The following CFAP92 variants were observed in gnomAD, a reference collection of about 807,000 sequenced individuals.
The protein encoded by CFAP92 is uncharacterized protein CFAP92.
A neutral mutation model predicts 106.3 loss-of-function variants in CFAP92; 86 were observed. The observed-to-expected ratio is 0.81, with a 90% CI of 0.68 to 0.97. The LOEUF (loss-of-function observed/expected upper bound fraction) is 0.97, where lower values mean the gene tolerates loss of function less well. Among genes scored for constraint, CFAP92 ranks in the 50% least tolerant of loss-of-function variants. The pLI is 0.00. For synonymous variants in CFAP92, 477 were observed against 506.4 expected, an observed-to-expected ratio of 0.94 and a Z score of 0.78; for missense variants, 1,204 against 1,283.8, an observed-to-expected ratio of 0.94 and a Z score of 0.95.
At position 128,945,545 on chromosome 3, in the gene CFAP92, T is replaced by C. The variant is rs188359434; in HGVS notation, c.1784A>G (p.His595Arg). The C allele has an allele frequency of 6.0e-4, 928 of 1,536,166 alleles. 2 individuals are homozygous for C. The highest frequency in any genetic ancestry group is 8.2e-4 in the Admixed American group (42 of 50,990). ...CCTTCTCCTGCTGTCCTGGCCGCAGTGTGTGGGCTGAACCTCACAGCTGTG... is the reference window on the plus strand; with the variant it reads ...CCTTCTCCTGCTGTCCTGGCCGCAGCGTGTGGGCTGAACCTCACAGCTGTG... ...PIHSCEVQPT[H>R]CGQDSRRRKV... Residue 595 changes from histidine (H) to arginine (R), a missense_variant, in exon 10 of 16, where the codon CAC becomes CGC. By Grantham distance (29) the His-to-Arg change is conservative. Transcript: ENST00000645291.
chr3:128,957,451 A>G (rs1321074793), intron 9 of CFAP92, among the ~76,000 whole-genome samples: 2 of 152,226 alleles, frequency 1.3e-5, no homozygotes, highest in Admixed American at 6.5e-5. Flanking sequence ...TGCGTTAAAT[A>G]TAATATCCAG....
At chr3:128,960,827 G>A (rs1240783316) in intron 9 of CFAP92, among the ~76,000 whole-genome samples, 4 of 151,854 alleles carry the variant, frequency 2.6e-5, no homozygotes, top group Non-Finnish European at 5.9e-5. Context: ...CACCCTCAGC[G>A]GCAAGTCCCA....
Position 128,945,524 on chromosome 3 carries a change from C to T in CFAP92, c.1805G>A (p.Arg602Lys), listed in dbSNP as rs1177345292. 4.6e-6 allele frequency: 7 copies of T among 1,536,178 alleles called. No individual in the cohort carries two copies. In the East Asian group the frequency reaches 1.7e-4, roughly 38 times the overall value. Residue 602 changes from arginine to lysine, a missense_variant, in exon 10 of 16, where the codon AGA becomes AAA. Physicochemically the swap from Arg to Lys is conservative, Grantham distance 26 (BLOSUM62 2). Transcript: ENST00000645291. The part of the protein sequence containing the change: ...QPTHCGQDSR[R>K]RKVVGLGVPR... ...GACCCCAAGCCCCACAACCTTCCTT[C>T]TCCTGCTGTCCTGGCCGCAGTGTGT...
At position 128,937,306 on chromosome 3, in the gene CFAP92, C is replaced by CT. The variant is rs1482203835; in HGVS notation, c.2259-1988dup. Among the ~76,000 whole-genome samples the CT allele has an allele frequency of 5.6e-5, 7 of 124,898 alleles. No homozygotes were observed. The Admixed American group carries it at 6.5e-4, about 12-fold the overall frequency. 81.9% of individuals were successfully genotyped at this position (124,898 alleles called of 152,430 possible). A position where few individuals can be genotyped will look rare whatever the true frequency, so the allele number is the denominator to read the frequency against. The stretch of plus-strand genomic sequence containing the variant: ...TCAGCCTGGGTGACAGAGATAGACC[C>CT]TGTCTCAAAAAAAAAAAAAAAAAAA... On this transcript the variant is annotated intron_variant, in intron 10 of 15. Coordinates refer to ENST00000645291, the MANE Select transcript of CFAP92 (RefSeq NM_001394090.1).
At chr3:128,948,907 T>G (rs1940524328) in intron 9 of CFAP92, among the ~76,000 whole-genome samples, 1 of 152,154 alleles carries the variant, frequency 6.6e-6, no homozygotes, top group African/African-American at 2.4e-5. Flanking sequence ...GAGCAAAAAT[T>G]TGAGCAGAAA....
intron 12 of CFAP92, among the ~76,000 whole-genome samples, chr3:128,918,186 G>A (rs1936972763): frequency 6.6e-6 from 1 of 152,138 alleles, no homozygotes; most frequent in South Asian, 2.1e-4. Context: ...AAAAACTCTT[G>A]GGGCCAGATG....
chr3:128,929,546 A>C (rs1938101376), intron 12 of CFAP92, among the ~76,000 whole-genome samples: 1 of 152,238 alleles, frequency 6.6e-6, no homozygotes, highest in Non-Finnish European at 1.5e-5. Context: ...TGGTGAATGG[A>C]TAAATGTGGT....
At chr3:129,021,148 G>T in the CFAP92 span, among the ~76,000 whole-genome samples, 1 of 152,170 alleles carries the variant, frequency 6.6e-6, no homozygotes, top group African/African-American at 2.4e-5. Flanking sequence ...GTATGACCAA[G>T]CATCACCCCA....
At chr3:128,990,106 A>C (rs1043935974) in intron 2 of CFAP92, among the ~76,000 whole-genome samples, 2 of 152,286 alleles carry the variant, frequency 1.3e-5, no homozygotes, top group Non-Finnish European at 1.5e-5. Flanking sequence ...CATTTGAAAC[A>C]ACTCAAATAT....
At chr3:128,968,597 T>TA (rs35811075) in intron 8 of CFAP92, 102,960 of 152,204 alleles carry the variant, frequency 0.68, 36,488 homozygotes, top group African/African-American at 0.91. Context: ...CCCACTGTGC[T>TA]AGCAGTTTAC....
intron 9 of CFAP92, among the ~76,000 whole-genome samples, chr3:128,947,449 T>G (rs1940338432): frequency 6.6e-6 from 1 of 152,310 alleles, no homozygotes; most frequent in South Asian, 2.1e-4. Context: ...GCTAAAACAA[T>G]GTTGAAAACT....
At position 128,987,815 on chromosome 3, in the gene CFAP92, C is replaced by A; in HGVS notation, c.468G>T (p.Trp156Cys). The A allele has an allele frequency of 6.2e-7, 1 of 1,609,230 alleles. No individual in the cohort carries two copies. The highest frequency in any genetic ancestry group is 1.7e-5 in the Admixed American group (1 of 59,200). ...ACACCCAGGCTTTGTCACCTTCGTGCCACGGCTTCACAGTCTGTGTAAAAC... is the reference window on the plus strand; with the variant it reads ...ACACCCAGGCTTTGTCACCTTCGTGACACGGCTTCACAGTCTGTGTAAAAC... Reference protein sequence around the residue: ...LESGVKTVKPWHEGDKAWVSW... With the variant: ...LESGVKTVKPCHEGDKAWVSW... The change falls in exon 4 of 16, where the codon TGG becomes TGT. Residue 156 changes from tryptophan to cysteine, a missense_variant. Physicochemically the swap from Trp to Cys is radical, Grantham distance 215. Coordinates refer to ENST00000645291, the MANE Select transcript of CFAP92 (RefSeq NM_001394090.1).
chr3:129,000,956 TGGG>T (rs1333928429), intron 1 of CFAP92, among the ~76,000 whole-genome samples: 1 of 152,184 alleles, frequency 6.6e-6, no homozygotes, highest in Non-Finnish European at 1.5e-5. Context: ...AGTTACTACT[TGGG>T]GCTCTTTGCA....
At chr3:128,943,201 A>AGC (rs1939837069) in intron 10 of CFAP92, among the ~76,000 whole-genome samples, 1 of 152,170 alleles carries the variant, frequency 6.6e-6, no homozygotes, top group South Asian at 2.1e-4. Flanking sequence ...TCCAGGCGTG[A>AGC]GCCACTGTGC....
chr3:128,963,417 C>T lies in CFAP92; in HGVS notation c.1353+2094G>A, dbSNP rs1242485537. Among the ~76,000 whole-genome samples the T allele has an allele frequency of 3.3e-5, 5 of 152,156 alleles. No individual in the cohort carries two copies. The East Asian group carries it at 9.6e-4, about 29-fold the overall frequency. ...CAAACTATGCTCAACTCACTCTCTA[C>T]ATTTCCCAAAATCTATTTTCTTCCT... On this transcript the variant is annotated intron_variant, in intron 9 of 15. Transcript: ENST00000645291.
In CFAP92 at chr3:128,978,223, A is replaced by G. The variant is rs373415772; in HGVS notation, c.668-38T>C. The G allele has an allele frequency of 2.5e-4, 401 of 1,591,806 alleles. 1 individual carries two copies. The highest frequency in any genetic ancestry group is 5.2e-5 in the Non-Finnish European group (61 of 1,168,268). On this transcript the variant is annotated intron_variant, in intron 4 of 15. Coordinates refer to ENST00000645291, the MANE Select transcript of CFAP92 (RefSeq NM_001394090.1). Reference sequence around the variant, plus strand: ...AGAAGAAAGGATCATTGACTCAATCAATCCAAAATATTTATTGAATTAACT... The same window carrying G: ...AGAAGAAAGGATCATTGACTCAATCGATCCAAAATATTTATTGAATTAACT...
At chr3:128,912,088 C>T (rs773453800) in intron 15 of CFAP92, among the ~76,000 whole-genome samples, 4 of 152,218 alleles carry the variant, frequency 2.6e-5, no homozygotes, top group Non-Finnish European at 5.9e-5. Flanking sequence ...GTGTAGGCGC[C>T]AGCACTGTGG....
rs148194839 is a variant in CFAP92, at chr3:128,916,095, T to C, written c.2916+12A>G. ...ATTTGCCAACTGCCATCATCCTGTC[T>C]GGGTCTCTCACCTTGGCTATCTCTT... On this transcript the variant is annotated intron_variant, in intron 13 of 15. Coordinates refer to ENST00000645291, the MANE Select transcript of CFAP92 (RefSeq NM_001394090.1). 2.9e-4 allele frequency: 360 copies of C among 1,232,370 alleles called. 2 individuals are homozygous for C. The African/African-American group carries it at 5.3e-3, about 18-fold the overall frequency. The allele number at this position is 1,232,370 out of a possible 1,614,324, so 76.3% of individuals were successfully genotyped here.
chr3:128,980,142 A>G (rs1220848840), intron 4 of CFAP92, among the ~76,000 whole-genome samples: 2 of 151,688 alleles, frequency 1.3e-5, no homozygotes, highest in Non-Finnish European at 2.9e-5. Context: ...AGACTGAGAT[A>G]AGAGGATCGC....
Sources: gnomAD v4.1 joint callset for allele counts (sites outside exome capture counted in the v4.1 genomes callset) on GRCh38, gnomAD v4.1.1 for gene constraint, MANE v1.5 for transcripts, NCBI Gene and HGNC (gene_info 2026-07-23, HGNC 2026-07-21) for gene names.